The following ABHD18 variants were observed in gnomAD, a reference collection of about 807,000 sequenced individuals.
ABHD18 encodes cardiolipin-specific deacylase, mitochondrial.
Under a neutral mutation model 65.9 loss-of-function variants are expected in ABHD18, and 55 were observed. That is an observed-to-expected ratio of 0.84 (90% CI 0.67 to 1.05). The LOEUF (loss-of-function observed/expected upper bound fraction) is 1.05. Ranked by LOEUF, ABHD18 falls within the 50% of genes least tolerant of loss-of-function variation. The probability of loss-of-function intolerance (pLI) is 0.00; values close to 1 mark genes in which losing one functional copy is unlikely to be tolerated. For synonymous variants in ABHD18, 181 were observed against 180.2 expected (o/e 1.00, Z -0.04); for missense variants, 533 against 558.5 (o/e 0.95, Z 0.46).
At chr4:128,024,279 C>T (rs762832309) in intron 10 of ABHD18, among the ~76,000 whole-genome samples, 6 of 152,112 alleles carry the variant, frequency 3.9e-5, no homozygotes, top group African/African-American at 9.7e-5. Context: ...AATCCATTCC[C>T]GGTAACTAAC....
At chr4:127,969,204 C>CTTTTTTT (rs372720678) in intron 1 of ABHD18, among the ~76,000 whole-genome samples, 1 of 139,062 alleles carries the variant, frequency 7.2e-6, no homozygotes. Flanking sequence ...TTTCTTTTTT[C>CTTTTTTT]TTTTTTTTTT....
chr4:127,976,358 G>GA (rs145625842), intron 1 of ABHD18, among the ~76,000 whole-genome samples: 2,974 of 149,168 alleles, frequency 0.02, 89 homozygotes, highest in African/African-American at 0.068. Flanking sequence ...AAACGCCCAA[G>GA]AAAAAAAAAG....
intron 6 of ABHD18, 84 bp from the exon 7 acceptor site, chr4:128,011,589 G>T: frequency 9.9e-7 from 1 of 1,011,436 alleles, no homozygotes; most frequent in Non-Finnish European, 1.4e-6. Flanking sequence ...ATTAAATTGT[G>T]TAAAATTTAA....
intron 1 of ABHD18, among the ~76,000 whole-genome samples, chr4:127,972,437 C>A (rs1201323274): frequency 6.6e-6 from 1 of 151,136 alleles, no homozygotes; most frequent in Non-Finnish European, 1.5e-5. Context: ...GCTTGTTTAG[C>A]ATAACAGACA....
Position 127,976,604 on chromosome 4 carries a change from A to G in ABHD18, c.-17-6335A>G, listed in dbSNP as rs1747972436. Among the ~76,000 whole-genome samples the G allele has an allele frequency of 5.3e-5, 8 of 152,232 alleles. No individual in the cohort carries two copies. In the South Asian group the frequency reaches 1.7e-3, roughly 31 times the overall value. On this transcript the variant is annotated intron_variant, in intron 1 of 12. Coordinates refer to ENST00000645843, the MANE Select transcript of ABHD18 (RefSeq NM_001358451.3). The stretch of plus-strand genomic sequence containing the variant: ...AGGGTCTCTCCTCTAGTCTTTTTAT[A>G]GCATTCTTTTCAGATACTATTTGGA...
At chr4:127,979,161 T>G (rs917962842) in intron 1 of ABHD18, among the ~76,000 whole-genome samples, 20 of 152,202 alleles carry the variant, frequency 1.3e-4, no homozygotes, top group African/African-American at 4.8e-4. Flanking sequence ...ATGAGGTGGA[T>G]CTGTATACCC....
At chr4:128,025,246 T>G (rs775832779) in intron 10 of ABHD18, among the ~76,000 whole-genome samples, 41 of 152,162 alleles carry the variant, frequency 2.7e-4, no homozygotes, top group Non-Finnish European at 5.0e-4. Context: ...CTCTGTCACC[T>G]TCTACCTCAG....
rs1187288130 is a variant in ABHD18, at chr4:128,039,380, T to C, written c.*3567T>C. ...TTGAAAAGTCTTTTGATTGGGTGTG[T>C]GTTCCCCAGTTTGCCACAGCCTACT... On this transcript the variant is annotated 3_prime_UTR_variant, in exon 13 of 13. Transcript: ENST00000645843. The C allele has an allele frequency of 6.6e-6, 1 of 152,004 alleles. No individual in the cohort carries two copies. The highest frequency in any genetic ancestry group is 2.4e-5 in the African/African-American group (1 of 41,418). 9.4% of individuals were successfully genotyped at this position (152,004 alleles called of 1,614,324 possible). A position where few individuals can be genotyped will look rare whatever the true frequency, so the allele number is the denominator to read the frequency against.
Position 127,984,416 on chromosome 4 carries a change from T to C in ABHD18, c.170T>C (p.Ile57Thr), listed in dbSNP as rs1749607811. ...GTTTCAAGCGATTATCCAGTACACATTGATAAGGTATTCAAATGAGAGAAA... is the reference window on the plus strand; with the variant it reads ...GTTTCAAGCGATTATCCAGTACACACTGATAAGGTATTCAAATGAGAGAAA... The part of the protein sequence containing the change: ...NLVSSDYPVH[I>T]DKIEEQSDCK... Residue 57 changes from isoleucine to threonine, a missense_variant, in exon 3 of 13, where the codon ATT (isoleucine) becomes ACT (threonine). Physicochemically the swap from Ile to Thr is moderately conservative, Grantham distance 89. Transcript: ENST00000645843. The C allele has an allele frequency of 8.5e-6, 13 of 1,526,400 alleles. No homozygotes were observed. The highest frequency in any genetic ancestry group is 1.2e-5 in the Non-Finnish European group (13 of 1,127,370). The allele number at this position is 1,526,400 out of a possible 1,614,324, so 94.6% of individuals were successfully genotyped here. A position where few individuals can be genotyped will look rare whatever the true frequency, so the allele number is the denominator to read the frequency against.
At chr4:127,977,644 G>C (rs934214558) in intron 1 of ABHD18, among the ~76,000 whole-genome samples, 10 of 152,182 alleles carry the variant, frequency 6.6e-5, no homozygotes, top group African/African-American at 2.2e-4. Flanking sequence ...GAAGAAATTA[G>C]AGGAGTGGCA....
chr4:127,984,436 G>A lies in ABHD18; in HGVS notation c.177+13G>A. 7.0e-7 allele frequency: 1 copy of A among 1,431,868 alleles called. No individual in the cohort carries two copies. The allele number at this position is 1,431,868 out of a possible 1,614,324, so 88.7% of individuals were successfully genotyped here. On this transcript the variant is annotated intron_variant, in intron 3 of 12. Coordinates refer to ENST00000645843, the MANE Select transcript of ABHD18 (RefSeq NM_001358451.3). Reference sequence around the variant, plus strand: ...ACACATTGATAAGGTATTCAAATGAGAGAAACACAGTTATAGGAATTGTGG... The same window carrying A: ...ACACATTGATAAGGTATTCAAATGAAAGAAACACAGTTATAGGAATTGTGG...
At chr4:127,971,697 A>T (rs1746847078) in intron 1 of ABHD18, among the ~76,000 whole-genome samples, 2 of 151,866 alleles carry the variant, frequency 1.3e-5, no homozygotes, top group South Asian at 4.2e-4. Context: ...TCTCCGTGTT[A>T]GCCAGGGTGG....
At chr4:128,022,705 A>G (rs890001696) in intron 10 of ABHD18, among the ~76,000 whole-genome samples, 2 of 151,064 alleles carry the variant, frequency 1.3e-5, no homozygotes, top group African/African-American at 4.9e-5. Flanking sequence ...TTTTTCTGTA[A>G]TTTACCAGTT....
At chr4:128,005,740 C>T (rs1217376615) in intron 4 of ABHD18, among the ~76,000 whole-genome samples, 3 of 152,212 alleles carry the variant, frequency 2.0e-5, no homozygotes, top group Non-Finnish European at 2.9e-5. Context: ...GCCACTGAGG[C>T]GGACCTCCTG....
At position 128,037,840 on chromosome 4, in the gene ABHD18, A is replaced by G. The variant is rs964194947; in HGVS notation, c.*2027A>G. ...TTATGTAATAGCTATTAACTCTCTT[A>G]AATGGGGTTTATATGGCTCGATTTG... On this transcript the variant is annotated 3_prime_UTR_variant, in exon 13 of 13. Coordinates refer to ENST00000645843, the MANE Select transcript of ABHD18 (RefSeq NM_001358451.3). The G allele has an allele frequency of 6.6e-6, 1 of 152,108 alleles. No homozygotes were observed. The highest frequency in any genetic ancestry group is 1.5e-5 in the Non-Finnish European group (1 of 68,026). The allele number at this position is 152,108 out of a possible 1,614,324, so 9.4% of individuals were successfully genotyped here.
chr4:127,973,256 T>C (rs1270964227), intron 1 of ABHD18, among the ~76,000 whole-genome samples: 1 of 152,162 alleles, frequency 6.6e-6, no homozygotes, highest in African/African-American at 2.4e-5. Context: ...ACTCAAGCGG[T>C]CCTCTCACCT....
intron 3 of ABHD18, among the ~76,000 whole-genome samples, chr4:127,985,435 C>T (rs1749779850): frequency 6.6e-6 from 1 of 152,028 alleles, no homozygotes; most frequent in Non-Finnish European, 1.5e-5. Context: ...CTGCTAAGAA[C>T]AAAATTTTAT....
chr4:128,000,656 C>G (rs1752506843), intron 4 of ABHD18, among the ~76,000 whole-genome samples: 1 of 152,070 alleles, frequency 6.6e-6, no homozygotes, highest in Non-Finnish European at 1.5e-5. Flanking sequence ...AATAATTTTT[C>G]TAATTCTGTC....
intron 4 of ABHD18, among the ~76,000 whole-genome samples, chr4:127,991,011 G>A (rs1398877312): frequency 2.6e-5 from 4 of 151,912 alleles, no homozygotes; most frequent in Non-Finnish European, 5.9e-5. Flanking sequence ...TTATAAGCGT[G>A]TGCCACCATA....
Sources: allele counts gnomAD v4.1 joint callset (sites outside exome capture counted in the v4.1 genomes callset), GRCh38; gene constraint gnomAD v4.1.1; transcripts MANE v1.5; gene names NCBI Gene and HGNC (gene_info 2026-07-23, HGNC 2026-07-21).